The following MXD1 variants were observed in gnomAD, a reference collection of about 807,000 sequenced individuals.
MXD1 encodes the protein MAX-binding protein.
MXD1 carries 9 observed loss-of-function variants against 25.7 expected under a neutral mutation model. The observed-to-expected ratio is 0.35, with a 90% confidence interval of 0.21 to 0.61. The LOEUF is 0.61. Ranked by LOEUF, MXD1 falls within the 20% of genes least tolerant of loss-of-function variation. MXD1 has a pLI of 0.75. For synonymous variants in MXD1, 99 were observed against 113.9 expected (o/e 0.87, Z 0.83); for missense variants, 227 against 292.4 (o/e 0.78, Z 1.63).
chr2:69,917,761 G>A (rs1676987232), intron 2 of MXD1, among the ~76,000 whole-genome samples: 1 of 150,136 alleles, frequency 6.7e-6, no homozygotes, highest in South Asian at 2.1e-4. Flanking sequence ...AATAATAGTA[G>A]TTAAGAATCT....
In MXD1 at chr2:69,941,757, A is replaced by G. The variant is rs1677605753; in HGVS notation, c.*3473A>G. 6.6e-6 allele frequency: 1 copy of G among 152,162 alleles called. No homozygotes were observed. Among genetic ancestry groups the G allele is most frequent in the Admixed American group, 6.5e-5 (1 of 15,274 alleles). 9.4% of individuals were successfully genotyped at this position (152,162 alleles called of 1,614,324 possible). A position where few individuals can be genotyped will look rare whatever the true frequency, so the allele number is the denominator to read the frequency against. On this transcript the variant is annotated 3_prime_UTR_variant, in exon 6 of 6. Coordinates refer to ENST00000264444, the MANE Select transcript of MXD1 (RefSeq NM_002357.4). The stretch of plus-strand genomic sequence containing the variant: ...TAGGATTGTGATGCTCAAAATAACC[A>G]TCTAGCAATATCTTGGAGCTTGAGA...
chr2:69,918,812 T>C (rs1677006984), intron 2 of MXD1, among the ~76,000 whole-genome samples: 1 of 152,164 alleles, frequency 6.6e-6, no homozygotes, highest in African/African-American at 2.4e-5. Flanking sequence ...ACATGGAAAA[T>C]AGTTTTGACA....
At chr2:69,922,586 A>C (rs963912574) in intron 3 of MXD1, among the ~76,000 whole-genome samples, 1 of 152,194 alleles carries the variant, frequency 6.6e-6, no homozygotes, top group Non-Finnish European at 1.5e-5. Context: ...TATTATAGAA[A>C]ATTTCAAATC....
chr2:69,932,669 G>T (rs1336632074), intron 3 of MXD1, among the ~76,000 whole-genome samples: 2 of 152,102 alleles, frequency 1.3e-5, no homozygotes, highest in African/African-American at 4.8e-5. Context: ...CCCACATTTG[G>T]GTAGTGAAAA....
At chr2:69,921,651 A>G (rs1677066034) in intron 2 of MXD1, 85 bp from the exon 3 acceptor site, 2 of 1,273,722 alleles carry the variant, frequency 1.6e-6, no homozygotes, top group African/African-American at 3.0e-5. Context: ...TTTGGAGAGA[A>G]AGAAGTTAAA....
At position 69,938,411 on chromosome 2, in the gene MXD1, T is replaced by C. The variant is rs1023685412; in HGVS notation, c.*127T>C. ...TGTCCCACCTTGACCAAAATCAGCT[T>C]TGTAACTGTTTTCAAGGAGGTGCTT... On this transcript the variant is annotated 3_prime_UTR_variant, in exon 6 of 6. Transcript: ENST00000264444. 7 of 929,608 alleles carry C rather than the reference T, an allele frequency of 7.5e-6. No homozygotes were observed. In the African/African-American group the frequency reaches 1.2e-4, roughly 16 times the overall value. 57.6% of individuals were successfully genotyped at this position (929,608 alleles called of 1,614,324 possible).
rs1192930771 is a variant in MXD1 at position 69,915,939 on chromosome 2, G to A, written c.74-182G>A. 2.6e-5 allele frequency among the ~76,000 whole-genome samples: 4 copies of A among 152,226 alleles called. No individual in the cohort carries two copies. The highest frequency in any genetic ancestry group is 5.9e-5 in the Non-Finnish European group (4 of 68,040). On this transcript the variant is annotated intron_variant, in intron 1 of 5. Coordinates refer to ENST00000264444, the MANE Select transcript of MXD1 (RefSeq NM_002357.4). This position sits in a 1 kb window ranked among gnomAD's most constrained non-coding sequence, Gnocchi z 5.8. ...CTGGAATCCTCCTTACACCTGCTCC[G>A]AATTGACGATATTCACACAATTTTT... is the stretch of plus-strand genomic sequence containing the variant.
At chr2:69,922,804 C>T (rs1677090363) in intron 3 of MXD1, among the ~76,000 whole-genome samples, 2 of 150,790 alleles carry the variant, frequency 1.3e-5, no homozygotes, top group Admixed American at 1.3e-4. Flanking sequence ...CGCTTGAACC[C>T]TAGAGGCGGA....
chr2:69,916,172 A>T lies in MXD1; in HGVS notation c.125A>T (p.Asp42Val), dbSNP rs1306405027. Residue 42 changes from aspartate (D) to valine (V), a missense_variant, in exon 2 of 6, where the codon GAT becomes GTT. By Grantham distance (152) the Asp-to-Val change is radical. Transcript: ENST00000264444. Reference sequence around the variant, plus strand: ...TTACCATACAATAACAAGGACAGAGATGCCTTAAAACGGAGGAACAAATCC... The same window carrying T: ...TTACCATACAATAACAAGGACAGAGTTGCCTTAAAACGGAGGAACAAATCC... ...SMLPYNNKDRDALKRRNKSKK... is the reference protein window; with the variant it reads ...SMLPYNNKDRVALKRRNKSKK... 4 of 1,613,364 alleles carry T rather than the reference A, an allele frequency of 2.5e-6. No individual in the cohort carries two copies. Among genetic ancestry groups the T allele is most frequent in the African/African-American group, 2.7e-5 (2 of 74,918 alleles).
At chr2:69,930,582 C>T (rs1406083144) in intron 3 of MXD1, among the ~76,000 whole-genome samples, 1 of 152,152 alleles carries the variant, frequency 6.6e-6, no homozygotes, top group East Asian at 1.9e-4. Context: ...TTCTGTGTTT[C>T]CATAGAAAAT....
chr2:69,917,402 T>G (rs1676981936), intron 2 of MXD1, among the ~76,000 whole-genome samples: 1 of 152,208 alleles, frequency 6.6e-6, no homozygotes. Context: ...GTTTTGTGCA[T>G]GGGTATGAAG....
intron 4 of MXD1, among the ~76,000 whole-genome samples, chr2:69,936,093 T>C (rs1178733191): frequency 6.6e-6 from 1 of 151,924 alleles, no homozygotes; most frequent in Admixed American, 6.6e-5. Context: ...TCAATGCTCT[T>C]CCCTCTGCTT....
intron 3 of MXD1, among the ~76,000 whole-genome samples, chr2:69,924,296 G>A (rs1677129876): frequency 6.6e-6 from 1 of 152,226 alleles, no homozygotes; most frequent in Non-Finnish European, 1.5e-5. Context: ...GCCTGTAATT[G>A]AGCTTGCTTG....
chr2:69,927,459 C>T (rs1394978488), intron 3 of MXD1, among the ~76,000 whole-genome samples: 2 of 152,148 alleles, frequency 1.3e-5, no homozygotes, highest in African/African-American at 4.8e-5. Flanking sequence ...CACATTTGTA[C>T]CACAAGAATC....
intron 3 of MXD1, among the ~76,000 whole-genome samples, chr2:69,927,144 T>C (rs530963423): frequency 6.6e-6 from 1 of 152,378 alleles, no homozygotes; most frequent in South Asian, 2.1e-4. Flanking sequence ...CAGTCAGGTC[T>C]CTTCTGGAAG....
chr2:69,921,643 T>A, intron 2 of MXD1, 93 bp from the exon 3 acceptor site: 1 of 1,188,944 alleles, frequency 8.4e-7, no homozygotes, highest in Non-Finnish European at 1.2e-6. Flanking sequence ...CTATCAACTT[T>A]GGAGAGAAAG....
intron 3 of MXD1, among the ~76,000 whole-genome samples, chr2:69,925,541 CT>C (rs1243917682): frequency 6.6e-6 from 1 of 152,044 alleles, no homozygotes; most frequent in Non-Finnish European, 1.5e-5. Flanking sequence ...TCCATCTAGA[CT>C]TTTGTGTGTA....
At chr2:69,925,486 G>GT (rs1392564493) in intron 3 of MXD1, among the ~76,000 whole-genome samples, 3 of 152,096 alleles carry the variant, frequency 2.0e-5, no homozygotes, top group Non-Finnish European at 4.4e-5. Context: ...AAAATCACCT[G>GT]TAATAGGCCT....
At chr2:69,923,863 G>A (rs530537947) in intron 3 of MXD1, among the ~76,000 whole-genome samples, 3 of 152,260 alleles carry the variant, frequency 2.0e-5, no homozygotes, top group East Asian at 1.9e-4. Flanking sequence ...TGGGTAAACC[G>A]GGACTATTTC....
Sources: gnomAD v4.1 joint callset for allele counts (sites outside exome capture counted in the v4.1 genomes callset) on GRCh38, gnomAD v4.1.1 for gene constraint, Gnocchi (gnomAD v3.1) non-coding constraint, MANE v1.5 for transcripts, NCBI Gene and HGNC (gene_info 2026-07-23, HGNC 2026-07-21) for gene names.